Variants in CFAP299 observed in about 807,000 individuals in gnomAD.
The protein encoded by CFAP299 is cilia- and flagella-associated protein 299.
CFAP299 carries 21 observed loss-of-function variants against 27.0 expected under a neutral mutation model. The observed-to-expected ratio is 0.78, with a 90% CI of 0.55 to 1.12. The LOEUF is 1.12. Ranked by LOEUF, CFAP299 falls within the 50% of genes most tolerant of loss-of-function variation. The pLI, the probability that CFAP299 is intolerant of heterozygous loss-of-function variation, is 0.00. For synonymous variants in CFAP299, 104 were observed against 98.1 expected, an observed-to-expected ratio of 1.06 and a Z score of -0.36; for missense variants, 310 against 276.6, an observed-to-expected ratio of 1.12 and a Z score of -0.86.
intron 2 of CFAP299, among the ~76,000 whole-genome samples, chr4:80,396,141 G>GT (rs2110042744): frequency 6.6e-6 from 1 of 152,130 alleles, no homozygotes; most frequent in East Asian, 1.9e-4. Context: ...TTTCGTGTTT[G>GT]TTTTTATTTC....
At chr4:80,405,109 CCA>C (rs1014744685) in intron 2 of CFAP299, among the ~76,000 whole-genome samples, 9 of 152,106 alleles carry the variant, frequency 5.9e-5, no homozygotes, top group Admixed American at 1.3e-4. Context: ...TTGAACATGG[CCA>C]GTTTCCATAC....
intron 3 of CFAP299, among the ~76,000 whole-genome samples, chr4:80,691,205 C>A (rs1236850098): frequency 8.4e-6 from 1 of 119,476 alleles, no homozygotes; most frequent in African/African-American, 3.3e-5. Flanking sequence ...AGGCCAGCAT[C>A]ATCCTGATAC....
In CFAP299 at chr4:80,393,401, GTACA is replaced by G. The variant is rs1725601659; in HGVS notation, c.242+30518_242+30521del. Among the ~76,000 whole-genome samples the G allele has an allele frequency of 2.0e-5, 3 of 152,258 alleles. No individual in the cohort carries two copies. The East Asian group carries it at 5.8e-4, about 29-fold the overall frequency. ...TAGTGCAGTGTTTATAAAGCCTACA[GTACA>G]GTAACGTGTTAGGCTTTCACATTCA... is the stretch of plus-strand genomic sequence containing the variant. On this transcript the variant is annotated intron_variant, in intron 2 of 5. Transcript: ENST00000358105.
chr4:80,544,822 A>G (rs946818597), intron 2 of CFAP299, among the ~76,000 whole-genome samples: 6 of 152,210 alleles, frequency 3.9e-5, no homozygotes, highest in Non-Finnish European at 2.9e-5. Context: ...GAAAAGTAAC[A>G]AAGATATTCT....
At chr4:80,342,279 A>T (rs1328828745) in intron 1 of CFAP299, among the ~76,000 whole-genome samples, 1 of 152,084 alleles carries the variant, frequency 6.6e-6, no homozygotes, top group East Asian at 1.9e-4. Flanking sequence ...CCTGAGCCTA[A>T]GAAGATAGGC....
chr4:80,868,055 A>C (rs1732847937), intron 3 of CFAP299, among the ~76,000 whole-genome samples: 1 of 152,178 alleles, frequency 6.6e-6, no homozygotes, highest in Non-Finnish European at 1.5e-5. Flanking sequence ...AAATTGATCA[A>C]TACATCTGCC....
intron 5 of CFAP299, among the ~76,000 whole-genome samples, chr4:80,945,618 G>A (rs918431839): frequency 1.3e-5 from 2 of 151,620 alleles, no homozygotes; most frequent in African/African-American, 4.8e-5. Context: ...TTTTGTTATT[G>A]TTTTTAAATT....
intron 3 of CFAP299, among the ~76,000 whole-genome samples, chr4:80,738,349 T>G (rs1467287095): frequency 6.6e-6 from 1 of 152,138 alleles, no homozygotes; most frequent in East Asian, 1.9e-4. Context: ...TCAGATACTA[T>G]TTATTTGGGT....
chr4:80,957,322 A>T (rs1224581349), intron 5 of CFAP299, among the ~76,000 whole-genome samples: 2 of 152,294 alleles, frequency 1.3e-5, no homozygotes, highest in Admixed American at 1.3e-4. Flanking sequence ...CTAAGTGCTG[A>T]ATTTTCTCAG....
chr4:80,511,431 C>T (rs1732298624), intron 2 of CFAP299, among the ~76,000 whole-genome samples: 1 of 152,098 alleles, frequency 6.6e-6, no homozygotes, highest in African/African-American at 2.4e-5. Context: ...CAGAAAATCA[C>T]TACATACTTT....
chr4:80,452,115 T>C (rs559236390), intron 2 of CFAP299, among the ~76,000 whole-genome samples: 6 of 152,324 alleles, frequency 3.9e-5, no homozygotes, highest in Middle Eastern at 6.8e-3. Context: ...GTGAATGTTT[T>C]ATGGGGCCTG....
At chr4:80,454,318 T>C (rs1404892468) in intron 2 of CFAP299, among the ~76,000 whole-genome samples, 4 of 152,226 alleles carry the variant, frequency 2.6e-5, no homozygotes, top group Admixed American at 2.6e-4. Context: ...GCAACAATCC[T>C]ATGATTCACA....
intron 2 of CFAP299, among the ~76,000 whole-genome samples, chr4:80,462,007 T>G (rs1407290290): frequency 6.6e-6 from 1 of 152,140 alleles, no homozygotes; most frequent in Non-Finnish European, 1.5e-5. Flanking sequence ...TGACTCCGCT[T>G]GGATTCTAAT....
In CFAP299 at chr4:80,405,326, A is replaced by G. The variant is rs114312390; in HGVS notation, c.242+42442A>G. On this transcript the variant is annotated intron_variant, in intron 2 of 5. Coordinates refer to ENST00000358105, the MANE Select transcript of CFAP299 (RefSeq NM_152770.3). ...GGGGATTACAAAACTCTAATACTGT[A>G]TGGCGTTAGATCAAGACTAAATGCT... Among the ~76,000 whole-genome samples the G allele has an allele frequency of 9.4e-3, 1,439 of 152,290 alleles. 29 individuals are homozygous for G. The highest frequency in any genetic ancestry group is 0.033 in the African/African-American group (1,363 of 41,542).
chr4:80,773,376 A>G (rs971061523), intron 3 of CFAP299, among the ~76,000 whole-genome samples: 4 of 152,106 alleles, frequency 2.6e-5, no homozygotes, highest in African/African-American at 7.2e-5. Flanking sequence ...GATCTCTACT[A>G]AAGTTTCTTG....
intron 5 of CFAP299, among the ~76,000 whole-genome samples, chr4:80,962,158 T>A (rs571403728): frequency 2.0e-5 from 3 of 152,108 alleles, no homozygotes; most frequent in East Asian, 3.9e-4. Flanking sequence ...GACTATTGGC[T>A]GAAGAACCTC....
chr4:80,889,121 G>A, intron 4 of CFAP299, among the ~76,000 whole-genome samples: 1 of 149,354 alleles, frequency 6.7e-6, no homozygotes. Flanking sequence ...TAGTAGGGAA[G>A]AAATAACAAA....
intron 2 of CFAP299, among the ~76,000 whole-genome samples, chr4:80,404,369 A>G (rs568344401): frequency 6.0e-4 from 92 of 152,232 alleles, no homozygotes; most frequent in Middle Eastern, 3.4e-3. Flanking sequence ...TGTGCACCCT[A>G]TCTCTGGAGC....
At chr4:80,714,924 T>C (rs1392532639) in intron 3 of CFAP299, among the ~76,000 whole-genome samples, 1 of 152,034 alleles carries the variant, frequency 6.6e-6, no homozygotes, top group Middle Eastern at 3.2e-3. Flanking sequence ...AGGAAAAAAA[T>C]ATCAATTCTG....
Sources: allele counts gnomAD v4.1 joint callset (sites outside exome capture counted in the v4.1 genomes callset), GRCh38; gene constraint gnomAD v4.1.1; transcripts MANE v1.5; gene names NCBI Gene and HGNC (gene_info 2026-07-23, HGNC 2026-07-21).